ITGAM: variants seen among roughly 807,000 people sequenced by gnomAD.
ITGAM encodes the protein integrin alpha-M.
Under a neutral mutation model 137.5 loss-of-function variants are expected in ITGAM, and 79 were observed. That is an observed-to-expected ratio of 0.57 (90% confidence interval 0.48 to 0.69). ITGAM has a LOEUF of 0.69. ITGAM is among the 30% of genes least tolerant of loss of function. The pLI, the probability that ITGAM is intolerant of heterozygous loss-of-function variation, is 0.00. For missense variants in ITGAM, 1,343 were observed against 1,483.5 expected (o/e 0.91, Z 1.56); for synonymous variants, 583 against 592.3 (o/e 0.98, Z 0.23).
intron 14 of ITGAM, among the ~76,000 whole-genome samples, chr16:31,299,807 C>G (rs1597011252): frequency 7.7e-6 from 1 of 130,390 alleles, no homozygotes; most frequent in Non-Finnish European, 1.6e-5. Context: ...CCTCCTCTTC[C>G]TCCTCCTCCC....
intron 12 of ITGAM, among the ~76,000 whole-genome samples, chr16:31,291,562 G>C (rs2080087325): frequency 6.6e-6 from 1 of 152,044 alleles, no homozygotes; most frequent in Non-Finnish European, 1.5e-5. Context: ...TCTCATTGTG[G>C]TTTTCATTTG....
At position 31,297,881 on chromosome 16, in the gene ITGAM, A is replaced by G. The variant is rs1006469108; in HGVS notation, c.1634A>G (p.Glu545Gly). The G allele has an allele frequency of 6.2e-7, 1 of 1,613,740 alleles. No homozygotes were observed. The highest frequency in any genetic ancestry group is 1.3e-5 in the African/African-American group (1 of 74,866). The change falls in exon 14 of 30, where the codon GAG (glutamate) becomes GGG (glycine). Residue 545 changes from glutamate to glycine, a missense_variant. Glu to Gly is a moderately conservative substitution (Grantham distance 98). Coordinates refer to ENST00000544665, the MANE Select transcript of ITGAM (RefSeq NM_000632.4). ...LTDVAIGAPG[E>G]EDNRGAVYLF... ...GACGTGGCCATTGGGGCCCCAGGAG[A>G]GGAGGACAACCGGGGTGCTGTTTAC... is the stretch of plus-strand genomic sequence containing the variant.
intron 14 of ITGAM, among the ~76,000 whole-genome samples, chr16:31,302,377 T>C (rs932299721): frequency 4.7e-5 from 7 of 149,940 alleles, no homozygotes; most frequent in African/African-American, 1.7e-4. Context: ...TTTTTTTCTT[T>C]CTTTTCTTTT....
At chr16:31,278,191 C>A in intron 12 of ITGAM, 82 bp downstream of exon 12, 1 of 1,406,810 alleles carries the variant, frequency 7.1e-7, no homozygotes, top group Non-Finnish European at 9.7e-7. Flanking sequence ...ATTCAGATGA[C>A]ATGCATGGCC....
At chr16:31,331,583 AGCCGCAC>A in intron 29 of ITGAM, 46 bp from the exon 30 acceptor site, 1 of 735,616 alleles carries the variant, frequency 1.4e-6, no homozygotes, top group African/African-American at 2.1e-5. Context: ...TGGTCTGCGG[AGCCGCAC>A]GCTCCCTGGC....
chr16:31,321,722 C>A, intron 16 of ITGAM, 95 bp downstream of exon 16: 2 of 1,305,238 alleles, frequency 1.5e-6, no homozygotes, highest in Non-Finnish European at 2.1e-6. Flanking sequence ...CTGTCCTGAA[C>A]TGAGTTCTCA....
chr16:31,291,105 A>G (rs1003386545), intron 12 of ITGAM, among the ~76,000 whole-genome samples: 5 of 152,186 alleles, frequency 3.3e-5, no homozygotes, highest in Admixed American at 6.5e-5. Flanking sequence ...GTGGTCATGG[A>G]TTCGAATATT....
chr16:31,302,413 TTTCTTTCTTTCTTTC>T (rs1457086797), intron 14 of ITGAM, among the ~76,000 whole-genome samples: 3 of 106,222 alleles, frequency 2.8e-5, no homozygotes, highest in Non-Finnish European at 3.7e-5. Context: ...TTCTTTTTTC[TTTCTTTCTTTCTTTC>T]TTCTTTCTTT....
chr16:31,328,768 G>A (rs1224478005), intron 23 of ITGAM, among the ~76,000 whole-genome samples: 1 of 138,862 alleles, frequency 7.2e-6, no homozygotes, highest in Non-Finnish European at 1.5e-5. Flanking sequence ...GTGCATGCGT[G>A]TGCGCATGGG....
At chr16:31,293,227 T>C (rs1346201332) in intron 12 of ITGAM, among the ~76,000 whole-genome samples, 1 of 152,062 alleles carries the variant, frequency 6.6e-6, no homozygotes, top group Non-Finnish European at 1.5e-5. Context: ...CTGTTGATAG[T>C]TTCTTTTGCT....
At chr16:31,326,722 T>A in intron 21 of ITGAM, 134 bp from the exon 22 acceptor site, 1 of 699,446 alleles carries the variant, frequency 1.4e-6, no homozygotes. Context: ...TGGCCTTCAT[T>A]GCTTTTTATT....
chr16:31,287,386 T>C (rs547905164), intron 12 of ITGAM, among the ~76,000 whole-genome samples: 9 of 152,314 alleles, frequency 5.9e-5, no homozygotes, highest in African/African-American at 2.2e-4. Flanking sequence ...TTTAGAATAG[T>C]TTTTTCTATC....
intron 23 of ITGAM, 22 bp downstream of exon 23, chr16:31,328,252 G>C (rs777012592): frequency 6.3e-7 from 1 of 1,585,568 alleles, no homozygotes; most frequent in South Asian, 1.1e-5. Context: ...CAGGACTTTA[G>C]CTGAGCCTCC....
chr16:31,281,673 C>T (rs148691851), intron 12 of ITGAM, among the ~76,000 whole-genome samples: 4,942 of 152,186 alleles, frequency 0.032, 296 homozygotes, highest in African/African-American at 0.11. Context: ...AAAACCAGCT[C>T]CTGGATTCAT....
intron 1 of ITGAM, among the ~76,000 whole-genome samples, chr16:31,261,128 C>T (rs2079693839): frequency 6.6e-6 from 1 of 151,518 alleles, no homozygotes; most frequent in African/African-American, 2.4e-5. Flanking sequence ...AGGCAGACAT[C>T]TGGATGCTGG....
At chr16:31,331,327 C>T in intron 29 of ITGAM, 52 bp downstream of exon 29, 1 of 1,051,062 alleles carries the variant, frequency 9.5e-7, no homozygotes. Context: ...GGGCCTCGCG[C>T]TGCAGCTCCG....
rs1381197076 is a variant in ITGAM, at chr16:31,324,617, G to A, written c.2158-34G>A. The A allele has an allele frequency of 4.3e-6, 7 of 1,609,490 alleles. No individual in the cohort carries two copies. Among genetic ancestry groups the A allele is most frequent in the Non-Finnish European group, 5.9e-6 (7 of 1,177,286 alleles). On this transcript the variant is annotated intron_variant, in intron 17 of 29. Transcript: ENST00000544665. This position sits in a 1 kb window ranked among gnomAD's most constrained non-coding sequence, Gnocchi z 4.5. Reference sequence around the variant, plus strand: ...CATGGAGTGGGCTTGGGGAGCTGAGGAGGGCAGATCCCCAAATCCCGGCTA... The same window carrying A: ...CATGGAGTGGGCTTGGGGAGCTGAGAAGGGCAGATCCCCAAATCCCGGCTA...
chr16:31,328,688 AT>A (rs1567282546), intron 23 of ITGAM, among the ~76,000 whole-genome samples: 2 of 141,938 alleles, frequency 1.4e-5, no homozygotes, highest in Non-Finnish European at 3.0e-5. Flanking sequence ...ATGGGTGTGT[AT>A]TTGTGCATGT....
At position 31,281,466 on chromosome 16, in the gene ITGAM, G is replaced by A. The variant is rs1415513044; in HGVS notation, c.1356+3357G>A. Among the ~76,000 whole-genome samples the A allele has an allele frequency of 3.9e-5, 6 of 151,996 alleles. 1 individual carries two copies. Among genetic ancestry groups the A allele is most frequent in the Admixed American group, 3.9e-4 (6 of 15,258 alleles). ...GTCTTGGGAGGGTGTATGTGTCCAG[G>A]AACTTATCCATTTCTTCTAGATTTT... On this transcript the variant is annotated intron_variant, in intron 12 of 29. Transcript: ENST00000544665.
Sources: gnomAD v4.1 joint callset for allele counts (sites outside exome capture counted in the v4.1 genomes callset) on GRCh38, gnomAD v4.1.1 for gene constraint, Gnocchi (gnomAD v3.1) non-coding constraint, MANE v1.5 for transcripts, NCBI Gene and HGNC (gene_info 2026-07-23, HGNC 2026-07-21) for gene names.